The following SOS1 variants were observed in gnomAD, a reference collection of about 807,000 sequenced individuals.
SOS1 encodes SOS Ras/Rac guanine nucleotide exchange factor 1.
A neutral mutation model predicts 157.6 loss-of-function variants in SOS1; 25 were observed. The observed-to-expected ratio is 0.16, with a 90% CI of 0.12 to 0.22. The LOEUF (loss-of-function observed/expected upper bound fraction) is 0.22. SOS1 is among the 10% of genes least tolerant of loss of function. The pLI, the probability that SOS1 is intolerant of heterozygous loss-of-function variation, is 1.00. For missense variants in SOS1, 1,237 were observed against 1,599.1 expected, an observed-to-expected ratio of 0.77 and a Z score of 3.86; for synonymous variants, 528 against 534.0, an observed-to-expected ratio of 0.99 and a Z score of 0.16.
At chr2:39,073,978 C>A (rs1267307009) in intron 1 of SOS1, among the ~76,000 whole-genome samples, 1 of 152,140 alleles carries the variant, frequency 6.6e-6, no homozygotes, top group Non-Finnish European at 1.5e-5. Context: ...ATTCTTTAGT[C>A]AATGTTTGAT....
intron 6 of SOS1, among the ~76,000 whole-genome samples, chr2:39,036,870 C>T (rs1037878000): frequency 6.6e-6 from 1 of 151,684 alleles, no homozygotes; most frequent in East Asian, 1.9e-4. Flanking sequence ...CCACCGCGCC[C>T]GGCCTGACCA....
intron 1 of SOS1, among the ~76,000 whole-genome samples, chr2:39,082,019 T>C (rs967284477): frequency 2.6e-5 from 4 of 152,134 alleles, no homozygotes; most frequent in Non-Finnish European, 5.9e-5. Flanking sequence ...AAATGGGGTA[T>C]CCATTCCCTC....
chr2:39,120,225 G>C (rs1673816885), intron 1 of SOS1, 111 bp downstream of exon 1: 1 of 980,274 alleles, frequency 1.0e-6, no homozygotes, highest in Non-Finnish European at 1.4e-6. Context: ...TTGGAGACGC[G>C]GCGAGACCGG....
intron 6 of SOS1, among the ~76,000 whole-genome samples, chr2:39,044,851 T>C (rs980601374): frequency 6.8e-6 from 1 of 146,182 alleles, no homozygotes; most frequent in South Asian, 2.2e-4. Flanking sequence ...TACACACACA[T>C]GCGCGCGCGC....
chr2:39,016,407 C>T (rs1320287402), intron 10 of SOS1, among the ~76,000 whole-genome samples: 3 of 152,054 alleles, frequency 2.0e-5, no homozygotes, highest in Non-Finnish European at 4.4e-5. Context: ...TCTTCAGTTA[C>T]AGAGTTCCTC....
At position 38,982,458 on chromosome 2, in the gene SOS1, A is replaced by G. The variant is rs1668433162; in HGVS notation, c.*3366T>C. 2 of 152,194 alleles carry G rather than the reference A, an allele frequency of 1.3e-5. No individual in the cohort carries two copies. Among genetic ancestry groups the G allele is most frequent in the Admixed American group, 6.5e-5 (1 of 15,274 alleles). The allele number at this position is 152,194 out of a possible 1,614,324, so 9.4% of individuals were successfully genotyped here. A position where few individuals can be genotyped will look rare whatever the true frequency, so the allele number is the denominator to read the frequency against. ...AATAACTTTACTGCATAATTCTTTCAGCCAAACCAATATTAACCTTGTGAT... is the reference window on the plus strand; with the variant it reads ...AATAACTTTACTGCATAATTCTTTCGGCCAAACCAATATTAACCTTGTGAT... On this transcript the variant is annotated 3_prime_UTR_variant, in exon 23 of 23. Coordinates refer to ENST00000402219, the MANE Select transcript of SOS1 (RefSeq NM_005633.4).
intron 6 of SOS1, among the ~76,000 whole-genome samples, chr2:39,043,038 G>T (rs922453139): frequency 6.6e-6 from 1 of 152,096 alleles, no homozygotes; most frequent in African/African-American, 2.4e-5. Context: ...CTCGCTATTA[G>T]AGTGAATAGA....
intron 1 of SOS1, among the ~76,000 whole-genome samples, chr2:39,097,920 T>C (rs1416523918): frequency 6.6e-6 from 1 of 152,214 alleles, no homozygotes; most frequent in Non-Finnish European, 1.5e-5. Flanking sequence ...TTATTATTTC[T>C]TGGAATCTAT....
intron 1 of SOS1, among the ~76,000 whole-genome samples, chr2:39,118,610 A>C (rs1327806273): frequency 6.6e-6 from 1 of 152,200 alleles, no homozygotes; most frequent in Non-Finnish European, 1.5e-5. Context: ...GGTAAGGTGG[A>C]GATACATGAC....
At chr2:39,082,153 A>G (rs1053406108) in intron 1 of SOS1, among the ~76,000 whole-genome samples, 2 of 152,168 alleles carry the variant, frequency 1.3e-5, no homozygotes, top group Admixed American at 1.3e-4. Flanking sequence ...TATTCATTCT[A>G]ATTACTTTTT....
chr2:39,096,145 CAG>C (rs1238137667), intron 1 of SOS1, among the ~76,000 whole-genome samples: 5 of 152,300 alleles, frequency 3.3e-5, no homozygotes, highest in African/African-American at 1.2e-4. Context: ...ATAACCTAGA[CAG>C]GGGAAAGCAA....
intron 3 of SOS1, among the ~76,000 whole-genome samples, chr2:39,057,668 C>A (rs1444614004): frequency 1.3e-5 from 2 of 151,960 alleles, no homozygotes; most frequent in African/African-American, 2.4e-5. Context: ...ACATAAAACT[C>A]AAAATTTAGG....
intron 1 of SOS1, among the ~76,000 whole-genome samples, chr2:39,069,710 G>A (rs2148145349): frequency 6.6e-6 from 1 of 152,110 alleles, no homozygotes; most frequent in East Asian, 1.9e-4. Flanking sequence ...ACCACACCCG[G>A]CCAATTTCTG....
At chr2:39,108,662 G>A (rs1558517492) in intron 1 of SOS1, among the ~76,000 whole-genome samples, 1 of 152,152 alleles carries the variant, frequency 6.6e-6, no homozygotes, top group Non-Finnish European at 1.5e-5. Flanking sequence ...GCCAAGGCAG[G>A]AGGATCACTT....
chr2:39,013,802 A>G, intron 12 of SOS1, 65 bp downstream of exon 12: 3 of 1,411,742 alleles, frequency 2.1e-6, no homozygotes, highest in Non-Finnish European at 3.0e-6. Flanking sequence ...AAAGGTCCTT[A>G]TATACTTCAA....
intron 1 of SOS1, among the ~76,000 whole-genome samples, chr2:39,093,121 A>G (rs1184377615): frequency 2.6e-5 from 4 of 152,242 alleles, no homozygotes; most frequent in Non-Finnish European, 5.9e-5. Flanking sequence ...ATTTAACAAA[A>G]GGATCTCTAA....
chr2:39,089,994 G>A (rs1013993773), intron 1 of SOS1, among the ~76,000 whole-genome samples: 4 of 147,690 alleles, frequency 2.7e-5, no homozygotes, highest in Non-Finnish European at 4.5e-5. Flanking sequence ...AAAAAAATTA[G>A]CCAGGCATGG....
At chr2:39,021,629 G>C (rs1264324902) in intron 10 of SOS1, among the ~76,000 whole-genome samples, 1 of 150,426 alleles carries the variant, frequency 6.6e-6, no homozygotes, top group African/African-American at 2.4e-5. Context: ...CCAAACAAAA[G>C]TACTTAGGAT....
chr2:39,101,298 C>G (rs1454901467), intron 1 of SOS1, among the ~76,000 whole-genome samples: 1 of 152,170 alleles, frequency 6.6e-6, no homozygotes, highest in Non-Finnish European at 1.5e-5. Flanking sequence ...GGACCTGCCC[C>G]ATGACCCCGA....
Sources: allele counts gnomAD v4.1 joint callset (sites outside exome capture counted in the v4.1 genomes callset), GRCh38; gene constraint gnomAD v4.1.1; transcripts MANE v1.5; gene names NCBI Gene and HGNC (gene_info 2026-07-23, HGNC 2026-07-21).